SKA3: variants seen among roughly 807,000 people sequenced by gnomAD.
The protein encoded by SKA3 is spindle and kinetochore associated complex subunit 3, also known as spindle and kinetochore-associated protein 3.
Under a neutral mutation model 44.2 loss-of-function variants are expected in SKA3, and 39 were observed. The observed-to-expected ratio is 0.88, with a 90% confidence interval of 0.68 to 1.15. SKA3 has a LOEUF of 1.15. SKA3 is among the 50% of genes most tolerant of loss of function. The pLI, the probability that SKA3 is intolerant of heterozygous loss-of-function variation, is 0.00. For missense variants in SKA3, 511 were observed against 485.8 expected, an observed-to-expected ratio of 1.05 and a Z score of -0.49; for synonymous variants, 192 against 172.0, an observed-to-expected ratio of 1.12 and a Z score of -0.91.
intron 6 of SKA3, among the ~76,000 whole-genome samples, chr13:21,158,373 A>G (rs1432431155): frequency 1.3e-5 from 2 of 152,190 alleles, no homozygotes; most frequent in African/African-American, 4.8e-5. Context: ...CTGTAATCCC[A>G]GCACTTTGGG....
At chr13:21,172,584 C>T in intron 2 of SKA3, 36 bp downstream of exon 2, 3 of 1,402,886 alleles carry the variant, frequency 2.1e-6, no homozygotes, top group Non-Finnish European at 2.8e-6. Context: ...TTACTCGCCA[C>T]AGAAAAATAA....
chr13:21,155,601 T>C (rs1351407280), intron 8 of SKA3, 92 bp downstream of exon 8: 2 of 684,446 alleles, frequency 2.9e-6, no homozygotes, highest in African/African-American at 3.6e-5. Context: ...GAGACGAGGT[T>C]TCACCATGTT....
Position 21,160,006 on chromosome 13 carries a change from G to A in SKA3, c.830-19C>T. The A allele has an allele frequency of 6.4e-7, 1 of 1,568,314 alleles. No individual in the cohort carries two copies. Among genetic ancestry groups the A allele is most frequent in the Non-Finnish European group, 8.7e-7 (1 of 1,155,834 alleles). On this transcript the variant is annotated intron_variant, in intron 5 of 8. Coordinates refer to ENST00000314759, the MANE Select transcript of SKA3 (RefSeq NM_145061.6). ...TCGGCATCTAAAAGACACATAAAAT[G>A]GTCATTAAAAAACTATAACTATAGT...
intron 6 of SKA3, among the ~76,000 whole-genome samples, chr13:21,159,660 G>A (rs958113020): frequency 6.6e-6 from 1 of 152,020 alleles, no homozygotes; most frequent in African/African-American, 2.4e-5. Flanking sequence ...TCTATAACTT[G>A]TTTAAATCTT....
chr13:21,157,992 G>C lies in SKA3; in HGVS notation c.1049C>G (p.Ser350Cys). 6.2e-7 allele frequency: 1 copy of C among 1,613,278 alleles called. No individual in the cohort carries two copies. Among genetic ancestry groups the C allele is most frequent in the Non-Finnish European group, 8.5e-7 (1 of 1,179,506 alleles). Reference sequence around the variant, plus strand: ...TGTTCTGAGCAGATTCTCATAAGAAGAAATCGTAGGTGAAGAGGGATCTGT... The same window carrying C: ...TGTTCTGAGCAGATTCTCATAAGAACAAATCGTAGGTGAAGAGGGATCTGT... ...NLTDPSSPTI[S>C]SYENLLRTPT... Residue 350 changes from serine (S) to cysteine (C), a missense_variant, in exon 7 of 9, where the codon TCT becomes TGT. By Grantham distance (112) the Ser-to-Cys change is moderately radical. Coordinates refer to ENST00000314759, the MANE Select transcript of SKA3 (RefSeq NM_145061.6).
intron 1 of SKA3, among the ~76,000 whole-genome samples, chr13:21,175,443 A>G (rs914329367): frequency 2.0e-5 from 3 of 151,158 alleles, no homozygotes; most frequent in Non-Finnish European, 2.9e-5. Flanking sequence ...CGCCCGGCTA[A>G]TTTTTTGTAT....
chr13:21,171,502 G>A (rs994523970), intron 3 of SKA3, among the ~76,000 whole-genome samples: 8 of 151,784 alleles, frequency 5.3e-5, no homozygotes, highest in Non-Finnish European at 1.0e-4. Flanking sequence ...GCTTGAACCC[G>A]GGAGGTAGAG....
chr13:21,174,347 C>T (rs557264622), intron 1 of SKA3, among the ~76,000 whole-genome samples: 31 of 152,280 alleles, frequency 2.0e-4, no homozygotes, highest in African/African-American at 7.0e-4. Flanking sequence ...CCCAAATGTC[C>T]ATCAATGATA....
At chr13:21,176,273 G>T (rs760027749) in intron 1 of SKA3, 102 bp downstream of exon 1, 4 of 907,140 alleles carry the variant, frequency 4.4e-6, no homozygotes, top group Non-Finnish European at 4.5e-6. Flanking sequence ...CGTCCACGCC[G>T]TCAGTGCCTG....
chr13:21,160,736 A>C (rs1185632958), intron 5 of SKA3, among the ~76,000 whole-genome samples: 2 of 152,320 alleles, frequency 1.3e-5, no homozygotes, highest in Middle Eastern at 6.8e-3. Flanking sequence ...TAGATATGAG[A>C]AACACGCATA....
Position 21,172,579 on chromosome 13 carries a change from C to T in SKA3, c.165+41G>A, listed in dbSNP as rs182661036. The T allele has an allele frequency of 2.8e-4, 388 of 1,389,830 alleles. No individual in the cohort carries two copies. The East Asian group carries it at 6.7e-3, about 24-fold the overall frequency. 86.1% of individuals were successfully genotyped at this position (1,389,830 alleles called of 1,614,324 possible). On this transcript the variant is annotated intron_variant, in intron 2 of 8. Coordinates refer to ENST00000314759, the MANE Select transcript of SKA3 (RefSeq NM_145061.6). The stretch of plus-strand genomic sequence containing the variant: ...ATCTATTTAGGATAAAAAAATTACT[C>T]GCCACAGAAAAATAATAAATCAATA...
chr13:21,157,901 A>G lies in SKA3; in HGVS notation c.1119+21T>C, dbSNP rs750346750. ...AAAAGAATATCAGCAAAAAAAAAAAAAAATAGCCTGGAAAAATAACCTGGA... is the reference window on the plus strand; with the variant it reads ...AAAAGAATATCAGCAAAAAAAAAAAGAAATAGCCTGGAAAAATAACCTGGA... On this transcript the variant is annotated intron_variant, in intron 7 of 8. Coordinates refer to ENST00000314759, the MANE Select transcript of SKA3 (RefSeq NM_145061.6). 1.0e-5 allele frequency: 15 copies of G among 1,470,210 alleles called. No homozygotes were observed. The African/African-American group carries it at 1.9e-4, about 19-fold the overall frequency. 91.1% of individuals were successfully genotyped at this position (1,470,210 alleles called of 1,614,324 possible).
In SKA3 at chr13:21,168,145, A is replaced by T; in HGVS notation, c.586T>A (p.Ser196Thr). 4 of 1,614,094 alleles carry T rather than the reference A, an allele frequency of 2.5e-6. No individual in the cohort carries two copies. The South Asian group carries it at 3.3e-5, about 13-fold the overall frequency. Residue 196 changes from serine to threonine, a missense_variant, in exon 4 of 9, where the codon TCA (serine) becomes ACA (threonine). Coordinates refer to ENST00000314759, the MANE Select transcript of SKA3 (RefSeq NM_145061.6). ...PVIVTPPTKQSLVKVLKTPKC... is the reference protein window; with the variant it reads ...PVIVTPPTKQTLVKVLKTPKC... ...GGAGTTTTTAGTACTTTTACTAGTGATTGTTTGGTAGGTGGGGTTACAATT... is the reference window on the plus strand; with the variant it reads ...GGAGTTTTTAGTACTTTTACTAGTGTTTGTTTGGTAGGTGGGGTTACAATT...
rs564295565 is a variant in SKA3 at position 21,172,799 on chromosome 13, TG to T, written c.104-119del. ...ACATTGGTCAATCACAGATCACATA[TG>T]ACAGTGGTACCATAAGATAATACCA... On this transcript the variant is annotated intron_variant, in intron 1 of 8. Transcript: ENST00000314759. 7.3e-4 allele frequency: 435 copies of T among 594,696 alleles called. 3 individuals carry two copies. Among genetic ancestry groups the T allele is most frequent in the South Asian group, 4.0e-3 (165 of 41,252 alleles). The allele number at this position is 594,696 out of a possible 1,614,324, so 36.8% of individuals were successfully genotyped here. A position where few individuals can be genotyped will look rare whatever the true frequency, so the allele number is the denominator to read the frequency against.
chr13:21,154,664 T>G lies in SKA3; in HGVS notation c.*486A>C. On this transcript the variant is annotated 3_prime_UTR_variant, in exon 9 of 9. Coordinates refer to ENST00000314759, the MANE Select transcript of SKA3 (RefSeq NM_145061.6). ...TCCCTCTTTTCCTAATTAGTTTAAC[T>G]GGTGTTCCTGTTGTTTGCAAACAGC... 1 of 173,616 alleles carries G rather than the reference T, an allele frequency of 5.8e-6. No individual in the cohort carries two copies. The allele number at this position is 173,616 out of a possible 1,614,324, so 10.8% of individuals were successfully genotyped here.
At chr13:21,159,451 T>C (rs757401406) in intron 6 of SKA3, among the ~76,000 whole-genome samples, 23 of 152,194 alleles carry the variant, frequency 1.5e-4, no homozygotes, top group Non-Finnish European at 2.9e-5. Context: ...TGTGTGTACA[T>C]ACACACACAT....
chr13:21,169,150 C>T (rs1870895727), intron 3 of SKA3, among the ~76,000 whole-genome samples: 1 of 151,418 alleles, frequency 6.6e-6, no homozygotes. Context: ...GGGGGAAGGC[C>T]CCAGGTTGGG....
intron 7 of SKA3, 134 bp from the exon 8 acceptor site, chr13:21,155,945 T>A (rs141045514): frequency 0.01 from 6,054 of 590,400 alleles, 60 homozygotes; most frequent in Middle Eastern, 0.015. Flanking sequence ...TCCAGCACTT[T>A]GGGAGGCCAA....
chr13:21,168,182 C>G lies in SKA3; in HGVS notation c.549G>C (p.Lys183Asn), dbSNP rs200514760. ...PNPPQAVNNY[K>N]EEPVIVTPPT... ...GTGGGGTTACAATTACGGGCTCTTC[C>G]TTATAGTTGTTCACTGCCTGTGGAG... Residue 183 changes from lysine (K) to asparagine (N), a missense_variant, in exon 4 of 9, where the codon AAG (lysine) becomes AAC (asparagine). Transcript: ENST00000314759. The G allele has an allele frequency of 6.2e-7, 1 of 1,614,092 alleles. No homozygotes were observed. Among genetic ancestry groups the G allele is most frequent in the Middle Eastern group, 1.6e-4 (1 of 6,062 alleles).
Sources: allele counts gnomAD v4.1 joint callset (sites outside exome capture counted in the v4.1 genomes callset), GRCh38; gene constraint gnomAD v4.1.1; transcripts MANE v1.5; gene names NCBI Gene and HGNC (gene_info 2026-07-23, HGNC 2026-07-21).